Variants in GRAMD1B observed in about 807,000 individuals in gnomAD.
The protein encoded by GRAMD1B is protein Aster-B.
In GRAMD1B, 37 loss-of-function variants were observed where a neutral mutation model predicts 99.7. That is an observed-to-expected ratio of 0.37 (90% CI 0.29 to 0.49). GRAMD1B has a LOEUF of 0.49. Ranked by LOEUF, GRAMD1B falls within the 20% of genes least tolerant of loss-of-function variation. The probability of loss-of-function intolerance (pLI) is 0.98; values close to 1 mark genes in which losing one functional copy is unlikely to be tolerated. For synonymous variants in GRAMD1B, 427 were observed against 387.6 expected, an observed-to-expected ratio of 1.10 and a Z score of -1.19; for missense variants, 888 against 1,009.2, an observed-to-expected ratio of 0.88 and a Z score of 1.63.
At chr11:123,490,133 T>C (rs1233622720) in intron 2 of GRAMD1B, among the ~76,000 whole-genome samples, 1 of 152,106 alleles carries the variant, frequency 6.6e-6, no homozygotes, top group Admixed American at 6.6e-5. Flanking sequence ...TTAAACACAA[T>C]TGAGAAAATG....
Position 123,613,457 on chromosome 11 carries a change from A to C in GRAMD1B, c.2026A>C (p.Ser676Arg). 1 of 1,607,170 alleles carries C rather than the reference A, an allele frequency of 6.2e-7. No homozygotes were observed. Among genetic ancestry groups the C allele is most frequent in the Non-Finnish European group, 8.5e-7 (1 of 1,176,502 alleles). Reference sequence around the variant, plus strand: ...TGTGGTCCTTTTGTCTCTGATAGAGAGCGAGCTGGCCAAAACGGAGAGCAC... The same window carrying C: ...TGTGGTCCTTTTGTCTCTGATAGAGCGCGAGCTGGCCAAAACGGAGAGCAC... Reference protein sequence around the residue: ...GLEDYFRHLESELAKTESTYL... With the variant: ...GLEDYFRHLERELAKTESTYL... The change falls in exon 16 of 20, where the codon AGC (serine) becomes CGC (arginine). Residue 676 changes from serine to arginine, a missense_variant and splice_region_variant. This residue lies in a region of GRAMD1B where 232 missense variants were observed against 261.7 expected (regional missense o/e 0.89). Coordinates refer to ENST00000635736, the MANE Select transcript of GRAMD1B (RefSeq NM_001387025.1).
chr11:123,496,621 G>T (rs1443714048), intron 2 of GRAMD1B, among the ~76,000 whole-genome samples: 1 of 151,016 alleles, frequency 6.6e-6, no homozygotes, highest in Non-Finnish European at 1.5e-5. Context: ...GATCTCGTAG[G>T]CATGCTTCAT....
chr11:123,467,114 ATATT>A (rs566570065), intron 1 of GRAMD1B, among the ~76,000 whole-genome samples: 73 of 152,294 alleles, frequency 4.8e-4, no homozygotes, highest in South Asian at 1.9e-3. Context: ...AGGATAAAGA[ATATT>A]TATTTATTTT....
At position 123,456,376 on chromosome 11, in the gene GRAMD1B, A is replaced by T. The variant is rs887343767; in HGVS notation, c.375-24440A>T. Among the ~76,000 whole-genome samples, 38 of 85,790 alleles carry T rather than the reference A, an allele frequency of 4.4e-4. No individual in the cohort carries two copies. In the East Asian group the frequency reaches 0.017, roughly 38 times the overall value. The allele number at this position is 85,790 out of a possible 152,430, so 56.3% of individuals were successfully genotyped here. A position where few individuals can be genotyped will look rare whatever the true frequency, so the allele number is the denominator to read the frequency against. ...CATTGGTGTTGTGGAAAGAGCCCCG[A>T]GAGTCAGCAAACTCGAGTTTTATTC... On this transcript the variant is annotated intron_variant, in intron 1 of 19. Coordinates refer to ENST00000635736, the MANE Select transcript of GRAMD1B (RefSeq NM_001387025.1).
At chr11:123,620,472 C>CAA (rs55787871) in intron 19 of GRAMD1B, among the ~76,000 whole-genome samples, 23,815 of 68,044 alleles carry the variant, frequency 0.35, 5,099 homozygotes, top group East Asian at 0.59. Context: ...GACTTCATCT[C>CAA]AAAAAAAAAA....
At chr11:123,454,990 A>T (rs962925106) in intron 1 of GRAMD1B, among the ~76,000 whole-genome samples, 1 of 152,192 alleles carries the variant, frequency 6.6e-6, no homozygotes, top group Admixed American at 6.5e-5. Flanking sequence ...AACTTGTTAT[A>T]TCTGAAGGAT....
intron 1 of GRAMD1B, among the ~76,000 whole-genome samples, chr11:123,366,403 C>T (rs1946322483): frequency 6.6e-6 from 1 of 152,052 alleles, no homozygotes; most frequent in Non-Finnish European, 1.5e-5. Context: ...TTTCTTTTTC[C>T]CAAAGTATAA....
chr11:123,366,979 G>A (rs1312358592), intron 1 of GRAMD1B, among the ~76,000 whole-genome samples: 2 of 152,194 alleles, frequency 1.3e-5, no homozygotes, highest in African/African-American at 4.8e-5. Context: ...TAAGGTGGGA[G>A]GATCGCTTGA....
chr11:123,482,603 T>A (rs758569027), intron 2 of GRAMD1B, among the ~76,000 whole-genome samples: 1 of 152,220 alleles, frequency 6.6e-6, no homozygotes, highest in Non-Finnish European at 1.5e-5. Context: ...TTTAATTCAT[T>A]CATGGGAGCA....
At chr11:123,531,849 C>T (rs1365022777) in intron 2 of GRAMD1B, among the ~76,000 whole-genome samples, 1 of 151,108 alleles carries the variant, frequency 6.6e-6, no homozygotes, top group Non-Finnish European at 1.5e-5. Context: ...GATTCTCCTG[C>T]CTCAGCCTCC....
intron 1 of GRAMD1B, among the ~76,000 whole-genome samples, chr11:123,457,643 G>A (rs1015505174): frequency 2.0e-5 from 3 of 152,216 alleles, no homozygotes; most frequent in Non-Finnish European, 2.9e-5. Flanking sequence ...GTCAGTGCTG[G>A]ACCCAGCCTT....
intron 2 of GRAMD1B, among the ~76,000 whole-genome samples, chr11:123,568,194 G>A (rs567721010): frequency 1.3e-5 from 2 of 152,282 alleles, no homozygotes; most frequent in East Asian, 1.9e-4. Context: ...CATAGGAAGT[G>A]CCCTGAATTA....
intron 1 of GRAMD1B, among the ~76,000 whole-genome samples, chr11:123,410,788 T>C (rs918337644): frequency 6.6e-6 from 1 of 152,134 alleles, no homozygotes; most frequent in Non-Finnish European, 1.5e-5. Flanking sequence ...AGACAGTGTG[T>C]CATTAGAAGA....
In GRAMD1B at chr11:123,510,272, C is replaced by A. The variant is rs191856932; in HGVS notation, c.452+29379C>A. 1.1e-4 allele frequency among the ~76,000 whole-genome samples: 16 copies of A among 152,252 alleles called. No homozygotes were observed. In the East Asian group the frequency reaches 3.1e-3, roughly 30 times the overall value. ...CTGCCAGCTGGCCTCTTCCCACATGCCCCCCTCATCCTGACCTGTGGGTAC... is the reference window on the plus strand; with the variant it reads ...CTGCCAGCTGGCCTCTTCCCACATGACCCCCTCATCCTGACCTGTGGGTAC... On this transcript the variant is annotated intron_variant, in intron 2 of 19. Transcript: ENST00000635736. The surrounding 1 kb of genome is among the most constrained non-coding windows in gnomAD (Gnocchi z 4.3).
At chr11:123,572,879 T>C (rs1948282243) in intron 2 of GRAMD1B, among the ~76,000 whole-genome samples, 1 of 148,020 alleles carries the variant, frequency 6.8e-6, no homozygotes, top group Non-Finnish European at 1.5e-5. Flanking sequence ...TAGGCCCCGA[T>C]GGCTGGGACA....
At chr11:123,611,564 C>T (rs1216824516) in intron 14 of GRAMD1B, among the ~76,000 whole-genome samples, 1 of 152,158 alleles carries the variant, frequency 6.6e-6, no homozygotes, top group Non-Finnish European at 1.5e-5. Flanking sequence ...TTTAATTTCC[C>T]TTCCTTCTCT....
At chr11:123,378,739 G>A (rs1327765119) in intron 1 of GRAMD1B, among the ~76,000 whole-genome samples, 1 of 152,210 alleles carries the variant, frequency 6.6e-6, no homozygotes, top group Admixed American at 6.5e-5. Context: ...GCCCTTCTGA[G>A]GGTAATTCAT....
intron 1 of GRAMD1B, among the ~76,000 whole-genome samples, chr11:123,463,459 T>C (rs1322392639): frequency 6.6e-6 from 1 of 152,236 alleles, no homozygotes; most frequent in Non-Finnish European, 1.5e-5. Context: ...TAGTATTAAA[T>C]ACAACATATT....
chr11:123,599,404 A>G (rs1951674458), intron 7 of GRAMD1B: 13 of 670,876 alleles, frequency 1.9e-5, no homozygotes, highest in Non-Finnish European at 3.4e-5. Context: ...TCCATGAGCC[A>G]TTCCTTCTCC....
Sources: allele counts gnomAD v4.1 joint callset (sites outside exome capture counted in the v4.1 genomes callset), GRCh38; gene constraint gnomAD v4.1.1; regional missense constraint gnomAD v4.1.1; non-coding constraint Gnocchi (gnomAD v3.1); transcripts MANE v1.5; gene names NCBI Gene and HGNC (gene_info 2026-07-23, HGNC 2026-07-21).